IQSEC1: variants seen among roughly 807,000 people sequenced by gnomAD.
IQSEC1 encodes the protein IQ motif and SEC7 domain-containing protein 1.
A neutral mutation model predicts 91.0 loss-of-function variants in IQSEC1; 31 were observed. The observed-to-expected ratio is 0.34, with a 90% confidence interval of 0.26 to 0.46. IQSEC1 has a LOEUF of 0.46. Among genes scored for constraint, IQSEC1 ranks in the 20% least tolerant of loss-of-function variants. The pLI, the probability that IQSEC1 is intolerant of heterozygous loss-of-function variation, is 1.00. For synonymous variants in IQSEC1, 699 were observed against 662.6 expected (o/e 1.05, Z -0.84); for missense variants, 1,388 against 1,575.6 (o/e 0.88, Z 2.02).
chr3:12,982,279 C>T (rs1389284320), intron 1 of IQSEC1, among the ~76,000 whole-genome samples: 7 of 152,206 alleles, frequency 4.6e-5, no homozygotes, highest in African/African-American at 1.7e-4. Context: ...GCTCCCTGTA[C>T]ACTCTCAACT....
At position 12,900,078 on chromosome 3, in the gene IQSEC1, C is replaced by CTGTAGAGTGTACTGCAG. The variant is rs1162394084; in HGVS notation, c.*888_*904dup. 1.0e-6 allele frequency: 1 copy of CTGTAGAGTGTACTGCAG among 984,938 alleles called. No individual in the cohort carries two copies. Among genetic ancestry groups the CTGTAGAGTGTACTGCAG allele is most frequent in the Admixed American group, 6.2e-5 (1 of 16,260 alleles). The allele number at this position is 984,938 out of a possible 1,614,324, so 61.0% of individuals were successfully genotyped here. ...TGTAACCAGCTGTCCTGAGTTGCTA[C>CTGTAGAGTGTACTGCAG]TGTAGAGTGTACTGCAGTTTAGCTA... On this transcript the variant is annotated 3_prime_UTR_variant, in exon 14 of 14. Coordinates refer to ENST00000613206, the MANE Select transcript of IQSEC1 (RefSeq NM_001134382.3).
At chr3:13,199,002 T>C (rs997427673) in intron 1 of IQSEC1, among the ~76,000 whole-genome samples, 2 of 152,212 alleles carry the variant, frequency 1.3e-5, no homozygotes, top group Non-Finnish European at 2.9e-5. Context: ...AAGCTCTCTG[T>C]AATGTTTTAA....
chr3:13,148,910 T>C (rs1016398073), intron 2 of IQSEC1, among the ~76,000 whole-genome samples: 1 of 152,254 alleles, frequency 6.6e-6, no homozygotes, highest in Admixed American at 6.5e-5. Context: ...TCCCGCATCC[T>C]TTCCAGGGGA....
Position 12,983,049 on chromosome 3 carries a change from G to T in IQSEC1, c.24-41184C>A, listed in dbSNP as rs896916780. Among the ~76,000 whole-genome samples the T allele has an allele frequency of 6.6e-6, 1 of 152,168 alleles. No homozygotes were observed. The highest frequency in any genetic ancestry group is 1.5e-5 in the Non-Finnish European group (1 of 68,036). ...CTGGGTGCTTGTGCGTGGGATGGAGGGTGAGGAGTGCTATTGCTCACTGGG... is the reference window on the plus strand; with the variant it reads ...CTGGGTGCTTGTGCGTGGGATGGAGTGTGAGGAGTGCTATTGCTCACTGGG... On this transcript the variant is annotated intron_variant, in intron 1 of 13. Transcript: ENST00000613206. The surrounding 1 kb of genome is among the most constrained non-coding windows in gnomAD (Gnocchi z 4.3).
intron 2 of IQSEC1, among the ~76,000 whole-genome samples, chr3:13,154,466 T>TATATAC (rs1707054402): frequency 8.2e-6 from 1 of 122,016 alleles, no homozygotes; most frequent in Non-Finnish European, 1.7e-5. Context: ...TATATATATA[T>TATATAC]ATATATATAT....
In IQSEC1 at chr3:12,967,594, G is replaced by A; in HGVS notation, c.24-25729C>T. On this transcript the variant is annotated intron_variant, in intron 1 of 13. Coordinates refer to ENST00000613206, the MANE Select transcript of IQSEC1 (RefSeq NM_001134382.3). This position sits in a 1 kb window ranked among gnomAD's most constrained non-coding sequence, Gnocchi z 5.9. ...CGACCACCCGCCACGCGATCACGTCGGGGCTCCTGGTCCAGCGTCCGCCGG... is the reference window on the plus strand; with the variant it reads ...CGACCACCCGCCACGCGATCACGTCAGGGCTCCTGGTCCAGCGTCCGCCGG... 2 of 1,281,640 alleles carry A rather than the reference G, an allele frequency of 1.6e-6. No individual in the cohort carries two copies. The highest frequency in any genetic ancestry group is 3.3e-5 in the East Asian group (1 of 30,722). The allele number at this position is 1,281,640 out of a possible 1,614,324, so 79.4% of individuals were successfully genotyped here.
At chr3:13,131,355 T>C (rs1196066247) in intron 2 of IQSEC1, among the ~76,000 whole-genome samples, 1 of 144,744 alleles carries the variant, frequency 6.9e-6, no homozygotes, top group Non-Finnish European at 1.5e-5. Context: ...CTACTTGTAC[T>C]TTATATTTAA....
intron 1 of IQSEC1, among the ~76,000 whole-genome samples, chr3:12,976,930 G>C (rs1701202872): frequency 8.9e-6 from 1 of 112,624 alleles, no homozygotes; most frequent in South Asian, 3.2e-4. Flanking sequence ...ATACCATAGA[G>C]AGATTCTGGA....
chr3:13,131,037 AAAGGAAGGAAGG>A (rs59204175), intron 2 of IQSEC1, among the ~76,000 whole-genome samples: 13 of 143,792 alleles, frequency 9.0e-5, no homozygotes, highest in Non-Finnish European at 1.4e-4. Context: ...GGAAGGAAGG[AAAGGAAGGAAGG>A]AAGGAAGGAA....
intron 13 of IQSEC1, 72 bp from the exon 14 acceptor site, chr3:12,901,594 T>TC (rs1029037165): frequency 1.3e-4 from 173 of 1,308,152 alleles, no homozygotes; most frequent in African/African-American, 8.9e-4. Flanking sequence ...TTTTTTTTTT[T>TC]CAAATGTAAA....
intron 1 of IQSEC1, among the ~76,000 whole-genome samples, chr3:13,174,425 G>A (rs1268747808): frequency 6.6e-6 from 1 of 152,122 alleles, no homozygotes; most frequent in East Asian, 1.9e-4. Context: ...TTAGGACACT[G>A]AGCAGGCATT....
rs750588608 is a variant in IQSEC1, at chr3:12,900,934, G to T, written c.*49C>A. 1 of 1,538,538 alleles carries T rather than the reference G, an allele frequency of 6.5e-7. No individual in the cohort carries two copies. Among genetic ancestry groups the T allele is most frequent in the African/African-American group, 1.4e-5 (1 of 73,160 alleles). On this transcript the variant is annotated 3_prime_UTR_variant, in exon 14 of 14. Coordinates refer to ENST00000613206, the MANE Select transcript of IQSEC1 (RefSeq NM_001134382.3). ...GGCTGGCGACCCCCGGGCGTGCCCT[G>T]TGTGGTGTGCAGGTGTTTCAGGGAG...
Position 12,935,051 on chromosome 3 carries a change from C to G in IQSEC1, c.1568+397G>C, listed in dbSNP as rs1053695723. Among the ~76,000 whole-genome samples, 1 of 150,246 alleles carries G rather than the reference C, an allele frequency of 6.7e-6. No individual in the cohort carries two copies. Among genetic ancestry groups the G allele is most frequent in the Non-Finnish European group, 1.5e-5 (1 of 67,452 alleles). On this transcript the variant is annotated intron_variant, in intron 3 of 13. Transcript: ENST00000613206. The surrounding 1 kb of genome is among the most constrained non-coding windows in gnomAD (Gnocchi z 8.0). Reference sequence around the variant, plus strand: ...CCTGCCCCCCACTGACACAACCGGTCATACCCCTGCTCAAAGGCCTTTGTG... The same window carrying G: ...CCTGCCCCCCACTGACACAACCGGTGATACCCCTGCTCAAAGGCCTTTGTG...
At chr3:13,243,505 C>G (rs2125105975) in intron 1 of IQSEC1, among the ~76,000 whole-genome samples, 1 of 152,328 alleles carries the variant, frequency 6.6e-6, no homozygotes, top group East Asian at 1.9e-4. Flanking sequence ...GCTCTCTGCT[C>G]CAGATGCTAC....
At chr3:13,216,665 G>A (rs1459255246) in intron 1 of IQSEC1, among the ~76,000 whole-genome samples, 1 of 152,200 alleles carries the variant, frequency 6.6e-6, no homozygotes, top group Admixed American at 6.5e-5. Context: ...CCACCAGAAA[G>A]CTGGAGGGTG....
intron 2 of IQSEC1, among the ~76,000 whole-genome samples, chr3:13,153,344 C>A (rs1282941936): frequency 6.6e-6 from 1 of 152,228 alleles, no homozygotes; most frequent in Admixed American, 6.5e-5. Context: ...TGGACTTGGA[C>A]TGGTGAGGGG....
intron 1 of IQSEC1, among the ~76,000 whole-genome samples, chr3:13,254,332 C>T (rs905551182): frequency 3.3e-5 from 5 of 152,172 alleles, no homozygotes; most frequent in South Asian, 4.1e-4. Context: ...AGGCTGGACA[C>T]GGAGGCCTGA....
At chr3:13,104,046 G>A (rs1055209359) in intron 2 of IQSEC1, among the ~76,000 whole-genome samples, 2 of 152,152 alleles carry the variant, frequency 1.3e-5, no homozygotes, top group Non-Finnish European at 2.9e-5. Flanking sequence ...TAGTCATGGA[G>A]CTGAGATTCG....
At chr3:12,938,195 A>G (rs185533588) in intron 2 of IQSEC1, among the ~76,000 whole-genome samples, 139 of 152,336 alleles carry the variant, frequency 9.1e-4, no homozygotes, top group African/African-American at 3.2e-3. Context: ...ACCTGCCTGT[A>G]TGGTCCCAGA....
Sources: allele counts gnomAD v4.1 joint callset (sites outside exome capture counted in the v4.1 genomes callset), GRCh38; gene constraint gnomAD v4.1.1; non-coding constraint Gnocchi (gnomAD v3.1); transcripts MANE v1.5; gene names NCBI Gene and HGNC (gene_info 2026-07-23, HGNC 2026-07-21).